EP400: variants seen among roughly 807,000 people sequenced by gnomAD.
EP400 encodes E1A-binding protein p400.
Under a neutral mutation model 354.1 loss-of-function variants are expected in EP400, and 105 were observed. That is an observed-to-expected ratio of 0.30 (90% confidence interval 0.25 to 0.35). EP400 has a LOEUF of 0.35. EP400 is among the 10% of genes least tolerant of loss of function. EP400 has a pLI of 1.00. For synonymous variants in EP400, 1,646 were observed against 1,716.9 expected (o/e 0.96, Z 1.02); for missense variants, 3,280 against 4,121.0 (o/e 0.80, Z 5.59).
chr12:131,977,753 C>T (rs929255210), intron 2 of EP400, among the ~76,000 whole-genome samples: 16 of 152,026 alleles, frequency 1.1e-4, no homozygotes, highest in Admixed American at 8.5e-4. Flanking sequence ...TAAATGTAAA[C>T]GGCAGTGCCT....
At chr12:132,014,006 C>A (rs1479073451) in intron 19 of EP400, 93 bp downstream of exon 19, 2 of 1,532,766 alleles carry the variant, frequency 1.3e-6, no homozygotes, top group South Asian at 2.5e-5. Context: ...AGCTCCTTTC[C>A]GCAAGGATTG....
chr12:132,079,976 C>T lies in EP400; in HGVS notation c.*2303C>T, dbSNP rs554173213. 2 of 152,310 alleles carry T rather than the reference C, an allele frequency of 1.3e-5. No homozygotes were observed. Among genetic ancestry groups the T allele is most frequent in the Admixed American group, 6.5e-5 (1 of 15,290 alleles). The allele number at this position is 152,310 out of a possible 1,614,324, so 9.4% of individuals were successfully genotyped here. On this transcript the variant is annotated 3_prime_UTR_variant, in exon 53 of 53. Coordinates refer to ENST00000389561, the MANE Select transcript of EP400 (RefSeq NM_015409.5). ...GTTTCTAACCTAAGAATTAAGTACG[C>T]GTTCAGGAAGCTGTTGTCTAGGCCT...
rs754032425 is a variant in EP400 at position 132,028,044 on chromosome 12, C to A, written c.5137C>A (p.Arg1713Ser). The change falls in exon 27 of 53, where the codon CGC (arginine) becomes AGC (serine). Residue 1713 changes from arginine to serine, a missense_variant. Coordinates refer to ENST00000389561, the MANE Select transcript of EP400 (RefSeq NM_015409.5). The stretch of plus-strand genomic sequence containing the variant: ...GGAAAAGACCAGACTCTTGAAAGAG[C>A]GCCTGGATCAGATTTATTTAGTCAA... ...QEEKTRLLKE[R>S]LDQIYLVNER... is the part of the protein sequence containing the mutation. 1.2e-6 allele frequency: 2 copies of A among 1,613,882 alleles called. No individual in the cohort carries two copies. The highest frequency in any genetic ancestry group is 1.7e-6 in the Non-Finnish European group (2 of 1,179,792).
At chr12:132,074,274 C>T (rs529876306) in intron 51 of EP400, among the ~76,000 whole-genome samples, 2 of 152,292 alleles carry the variant, frequency 1.3e-5, no homozygotes, top group East Asian at 3.9e-4. Flanking sequence ...ACTGTGGCTG[C>T]TTTTGTTGTT....
intron 1 of EP400, among the ~76,000 whole-genome samples, chr12:131,955,850 T>C (rs750351903): frequency 7.2e-5 from 11 of 152,064 alleles, no homozygotes; most frequent in Non-Finnish European, 1.2e-4. Context: ...TTCACCATGT[T>C]GGCCAGGCTG....
chr12:131,960,375 T>TACCC (rs922500580), intron 1 of EP400, among the ~76,000 whole-genome samples: 27 of 152,216 alleles, frequency 1.8e-4, no homozygotes, highest in Middle Eastern at 3.4e-3. Context: ...TGGTTTAGAT[T>TACCC]ACCCACCCAC....
intron 2 of EP400, among the ~76,000 whole-genome samples, chr12:131,975,529 T>G (rs1892444325): frequency 6.6e-6 from 1 of 152,068 alleles, no homozygotes; most frequent in Non-Finnish European, 1.5e-5. Context: ...CTCAATAATC[T>G]TTTTTCAGGC....
chr12:132,074,037 G>A (rs975635415), intron 51 of EP400, among the ~76,000 whole-genome samples: 4 of 133,614 alleles, frequency 3.0e-5, no homozygotes, highest in African/African-American at 5.7e-5. Context: ...AGATTCTCCC[G>A]CCTCAGCCTC....
chr12:132,023,819 G>T lies in EP400; in HGVS notation c.4733G>T (p.Gly1578Val). The change falls in exon 24 of 53, where the codon GGA (glycine) becomes GTA (valine). Residue 1578 changes from glycine (G) to valine (V), a missense_variant. This residue lies in a region of EP400 where 342 missense variants were observed against 342.7 expected (regional missense o/e 1.00). Transcript: ENST00000389561. ...VKIAQLASITGPQSRVAQPET... is the reference protein window; with the variant it reads ...VKIAQLASITVPQSRVAQPET... ...ATAGCTCAGCTGGCATCCATCACAG[G>T]ACCACAGAGCCGCGTGGCTCAGCCA... 1 of 1,613,938 alleles carries T rather than the reference G, an allele frequency of 6.2e-7. No individual in the cohort carries two copies. Among genetic ancestry groups the T allele is most frequent in the Non-Finnish European group, 8.5e-7 (1 of 1,179,970 alleles).
chr12:132,027,456 G>A lies in EP400; in HGVS notation c.5034G>A (p.Val1678=). The change falls in exon 26 of 53, where the codon GTG becomes GTA. Residue 1678 remains valine, a synonymous_variant. Coordinates refer to ENST00000389561, the MANE Select transcript of EP400 (RefSeq NM_015409.5). This position sits in a 1 kb window ranked among gnomAD's most constrained non-coding sequence, Gnocchi z 4.9. ...TTGTAGTTGGCGTTCCGGGCCGCGT[G>A]GCGGTGAATGCCTTGGCTGTAGGAG... is the stretch of plus-strand genomic sequence containing the variant. ...LTPQVGVPGR[V]AVNALAVGEP... is the part of the protein sequence containing the mutation. 1 of 1,614,116 alleles carries A rather than the reference G, an allele frequency of 6.2e-7. No homozygotes were observed. The highest frequency in any genetic ancestry group is 8.5e-7 in the Non-Finnish European group (1 of 1,180,046).
rs368198523 is a variant in EP400, at chr12:132,032,686, A to G, written c.5951+537A>G. The stretch of plus-strand genomic sequence containing the variant: ...TACTCTGTCGCTCAGGCGGTAGTGC[A>G]GTGGCACGATCTTGGCTCACCGCGA... On this transcript the variant is annotated intron_variant, in intron 30 of 52. Transcript: ENST00000389561. Among the ~76,000 whole-genome samples, 317 of 146,804 alleles carry G rather than the reference A, an allele frequency of 2.2e-3. 3 individuals are homozygous for G. The highest frequency in any genetic ancestry group is 7.7e-3 in the African/African-American group (301 of 39,302).
At position 132,067,237 on chromosome 12, in the gene EP400, A is replaced by G. The variant is rs1565935418; in HGVS notation, c.8750-125A>G. On this transcript the variant is annotated intron_variant, in intron 49 of 52. Coordinates refer to ENST00000389561, the MANE Select transcript of EP400 (RefSeq NM_015409.5). This position sits in a 1 kb window ranked among gnomAD's most constrained non-coding sequence, Gnocchi z 5.3. The stretch of plus-strand genomic sequence containing the variant: ...TTTTAATGTAGTTAAGGGATGGCTT[A>G]CTTGTCTCCATAGAGTTTCATAGTT... The G allele has an allele frequency of 9.3e-6, 13 of 1,392,778 alleles. No individual in the cohort carries two copies. The South Asian group carries it at 1.2e-4, about 13-fold the overall frequency. The allele number at this position is 1,392,778 out of a possible 1,614,324, so 86.3% of individuals were successfully genotyped here. A position where few individuals can be genotyped will look rare whatever the true frequency, so the allele number is the denominator to read the frequency against.
chr12:132,052,189 A>T lies in EP400; in HGVS notation c.7395-957A>T, dbSNP rs193232472. Among the ~76,000 whole-genome samples the T allele has an allele frequency of 5.3e-5, 8 of 152,330 alleles. No homozygotes were observed. In the East Asian group the frequency reaches 1.5e-3, roughly 29 times the overall value. On this transcript the variant is annotated intron_variant, in intron 41 of 52. Transcript: ENST00000389561. This position sits in a 1 kb window ranked among gnomAD's most constrained non-coding sequence, Gnocchi z 4.4. The stretch of plus-strand genomic sequence containing the variant: ...TATAACTATTCTTGTTTTATATTTT[A>T]TTATACTGGAACAGCTCGTGTCCTT...
intron 2 of EP400, among the ~76,000 whole-genome samples, chr12:131,975,880 T>C (rs1040550477): frequency 1.3e-5 from 2 of 152,120 alleles, no homozygotes; most frequent in Non-Finnish European, 2.9e-5. Flanking sequence ...TTTGTTTGTT[T>C]TTTGGAGATG....
intron 2 of EP400, among the ~76,000 whole-genome samples, chr12:131,968,611 C>G (rs1448496030): frequency 1.3e-5 from 2 of 152,148 alleles, no homozygotes; most frequent in Admixed American, 6.5e-5. Flanking sequence ...TACAAAACAT[C>G]TTGCTGGGAT....
intron 2 of EP400, among the ~76,000 whole-genome samples, chr12:131,975,522 A>T (rs1892443674): frequency 6.6e-6 from 1 of 150,864 alleles, no homozygotes; most frequent in South Asian, 2.1e-4. Flanking sequence ...CTTCTCTCTC[A>T]ATAATCTTTT....
chr12:132,028,065 G>C lies in EP400; in HGVS notation c.5158G>C (p.Val1720Leu). 1 of 1,614,226 alleles carries C rather than the reference G, an allele frequency of 6.2e-7. No individual in the cohort carries two copies. The highest frequency in any genetic ancestry group is 8.5e-7 in the Non-Finnish European group (1 of 1,180,038). ...AGAGCGCCTGGATCAGATTTATTTA[G>C]TCAACGAGCGGCGCTGTTCTCAAGC... ...LKERLDQIYLVNERRCSQAPV... is the reference protein window; with the variant it reads ...LKERLDQIYLLNERRCSQAPV... The change falls in exon 27 of 53, where the codon GTC becomes CTC. Residue 1720 changes from valine (V) to leucine (L), a missense_variant. Around this residue, in one of 20 missense-constraint regions of EP400, gnomAD observed 459 missense variants for 496.9 expected, o/e 0.92. Transcript: ENST00000389561.
intron 2 of EP400, among the ~76,000 whole-genome samples, chr12:131,975,937 G>A (rs1402887133): frequency 2.0e-5 from 3 of 152,102 alleles, no homozygotes; most frequent in Non-Finnish European, 2.9e-5. Context: ...CTGACCTCAA[G>A]CAGTCCTCTT....
chr12:132,039,039 A>AGAC (rs1246861855), intron 32 of EP400, among the ~76,000 whole-genome samples: 57 of 152,134 alleles, frequency 3.7e-4, no homozygotes, highest in Non-Finnish European at 5.3e-4. Context: ...GGCACACTAC[A>AGAC]CAGCCCCTCA....
Sources: gnomAD v4.1 joint callset for allele counts (sites outside exome capture counted in the v4.1 genomes callset) on GRCh38, gnomAD v4.1.1 for gene constraint, gnomAD v4.1.1 regional missense constraint, Gnocchi (gnomAD v3.1) non-coding constraint, MANE v1.5 for transcripts, NCBI Gene and HGNC (gene_info 2026-07-23, HGNC 2026-07-21) for gene names.